SERBP1: variants seen among roughly 807,000 people sequenced by gnomAD.
SERBP1 encodes the protein SERPINE1 mRNA-binding protein 1.
Under a neutral mutation model 50.2 loss-of-function variants are expected in SERBP1, and 6 were observed. That is an observed-to-expected ratio of 0.12 (90% CI 0.07 to 0.24). SERBP1 has a LOEUF of 0.24. Among genes scored for constraint, SERBP1 ranks in the 10% least tolerant of loss-of-function variants. The probability of loss-of-function intolerance (pLI) is 1.00; values close to 1 mark genes in which losing one functional copy is unlikely to be tolerated. For missense variants in SERBP1, 346 were observed against 524.9 expected (o/e 0.66, Z 3.33); for synonymous variants, 168 against 182.8 (o/e 0.92, Z 0.65).
At chr1:67,426,757 C>A (rs1025149514) in intron 1 of SERBP1, among the ~76,000 whole-genome samples, 2 of 152,102 alleles carry the variant, frequency 1.3e-5, no homozygotes, top group African/African-American at 4.8e-5. Context: ...AACACACTCA[C>A]TAGATATGGC....
intron 6 of SERBP1, among the ~76,000 whole-genome samples, chr1:67,418,303 T>C (rs1375180440): frequency 6.6e-6 from 1 of 152,122 alleles, no homozygotes; most frequent in African/African-American, 2.4e-5. Flanking sequence ...TGCAGTTTTT[T>C]TTCTACAGGA....
chr1:67,409,417 A>ACC lies in SERBP1; in HGVS notation c.*3789_*3790insGG, dbSNP rs1214530400. 2.4e-5 allele frequency: 3 copies of ACC among 124,256 alleles called. No individual in the cohort carries two copies. The highest frequency in any genetic ancestry group is 1.2e-4 in the African/African-American group (3 of 25,572). The allele number at this position is 124,256 out of a possible 1,614,324, so 7.7% of individuals were successfully genotyped here. A position where few individuals can be genotyped will look rare whatever the true frequency, so the allele number is the denominator to read the frequency against. ...CACACACACACACACACACACACAC[A>ACC]CACCCCCACACACACCAGGTCACAG... On this transcript the variant is annotated 3_prime_UTR_variant, in exon 8 of 8. Coordinates refer to ENST00000361219, the MANE Select transcript of SERBP1 (RefSeq NM_001018069.2).
intron 5 of SERBP1, among the ~76,000 whole-genome samples, chr1:67,422,929 T>C (rs1355431216): frequency 5.4e-5 from 8 of 147,576 alleles, no homozygotes; most frequent in African/African-American, 1.8e-4. Flanking sequence ...CCACTGTTAC[T>C]TCAGCCTGGG....
chr1:67,428,735 CA>C (rs34354137), intron 1 of SERBP1, among the ~76,000 whole-genome samples: 6,214 of 85,668 alleles, frequency 0.073, 234 homozygotes, highest in African/African-American at 0.14. Context: ...CAAAAGTCCT[CA>C]AAAAAAAAAA....
At chr1:67,426,787 C>T (rs1222724226) in intron 1 of SERBP1, among the ~76,000 whole-genome samples, 7 of 151,806 alleles carry the variant, frequency 4.6e-5, no homozygotes, top group Non-Finnish European at 1.0e-4. Flanking sequence ...AAGTGAGGGC[C>T]GCACTATGTT....
intron 6 of SERBP1, among the ~76,000 whole-genome samples, chr1:67,418,401 T>A (rs1667095918): frequency 6.6e-6 from 1 of 152,236 alleles, no homozygotes; most frequent in Non-Finnish European, 1.5e-5. Context: ...TTAATCTTTT[T>A]AACCTCCATT....
intron 7 of SERBP1, 47 bp downstream of exon 7, chr1:67,415,119 T>C (rs915746009): frequency 1.3e-6 from 2 of 1,520,924 alleles, no homozygotes; most frequent in African/African-American, 2.8e-5. Flanking sequence ...CAGTGACTTA[T>C]AAGAGGTCCT....
In SERBP1 at chr1:67,425,116, C is replaced by T. The variant is rs762499600; in HGVS notation, c.572G>A (p.Arg191His). The T allele has an allele frequency of 1.2e-5, 20 of 1,611,318 alleles. No homozygotes were observed. In the Middle Eastern group the frequency reaches 8.9e-4, roughly 72 times the overall value. The stretch of plus-strand genomic sequence containing the variant: ...ACTTCCACTATGCCTATCAAATTCA[C>T]GTTTGCCACGAGAATCAAATCCATC... Reference protein sequence around the residue: ...RGDGFDSRGKREFDRHSGSDR... With the variant: ...RGDGFDSRGKHEFDRHSGSDR... Residue 191 changes from arginine (R) to histidine (H), a missense_variant, in exon 3 of 8, where the codon CGT (arginine) becomes CAT (histidine). Transcript: ENST00000361219.
In SERBP1 at chr1:67,422,044, G is replaced by A. The variant is rs543519601; in HGVS notation, c.774-1858C>T. Among the ~76,000 whole-genome samples the A allele has an allele frequency of 1.9e-4, 29 of 152,262 alleles. No homozygotes were observed. In the South Asian group the frequency reaches 6.0e-3, roughly 32 times the overall value. On this transcript the variant is annotated intron_variant, in intron 5 of 7. Coordinates refer to ENST00000361219, the MANE Select transcript of SERBP1 (RefSeq NM_001018069.2). ...TTCATTGTTTATCATGCAAAATTAT[G>A]ATTCCATTATAGTTTTGCATAAATT...
At chr1:67,423,067 A>G (rs1407310049) in intron 5 of SERBP1, among the ~76,000 whole-genome samples, 1 of 151,710 alleles carries the variant, frequency 6.6e-6, no homozygotes, top group African/African-American at 2.4e-5. Flanking sequence ...TAATCCCAGC[A>G]CTTTGGGAGG....
In SERBP1 at chr1:67,424,779, CTCTCAGAAGAGAGCATTCA is replaced by C. The variant is rs558642513; in HGVS notation, c.695+90_695+108del. The C allele has an allele frequency of 3.3e-4, 275 of 828,240 alleles. 3 individuals are homozygous for C. The East Asian group carries it at 6.8e-3, about 21-fold the overall frequency. 51.3% of individuals were successfully genotyped at this position (828,240 alleles called of 1,614,324 possible). ...AAGACATTATCTTGTAATATAGTAA[CTCTCAGAAGAGAGCATTCA>C]TTCTTATCTCAGAGACAAGTAAAAT... is the stretch of plus-strand genomic sequence containing the variant. On this transcript the variant is annotated intron_variant, in intron 4 of 7. Transcript: ENST00000361219.
At position 67,409,945 on chromosome 1, in the gene SERBP1, A is replaced by T. The variant is rs1273691157; in HGVS notation, c.*3262T>A. The T allele has an allele frequency of 6.6e-6, 1 of 152,228 alleles. No individual in the cohort carries two copies. The highest frequency in any genetic ancestry group is 1.5e-5 in the Non-Finnish European group (1 of 68,042). The allele number at this position is 152,228 out of a possible 1,614,324, so 9.4% of individuals were successfully genotyped here. A position where few individuals can be genotyped will look rare whatever the true frequency, so the allele number is the denominator to read the frequency against. On this transcript the variant is annotated 3_prime_UTR_variant, in exon 8 of 8. Transcript: ENST00000361219. ...TAGTTAACCTGAAGATCTCGCTGGT[A>T]CATGTTCAGACTTGCTAAAACTTAT...
chr1:67,414,945 A>C (rs1390126197), intron 7 of SERBP1, among the ~76,000 whole-genome samples: 1 of 152,206 alleles, frequency 6.6e-6, no homozygotes, highest in Non-Finnish European at 1.5e-5. Flanking sequence ...CATGACCGGC[A>C]CCTAGAAAGA....
chr1:67,419,350 G>C (rs1305605488), intron 6 of SERBP1, among the ~76,000 whole-genome samples: 2 of 152,222 alleles, frequency 1.3e-5, no homozygotes, highest in African/African-American at 2.4e-5. Flanking sequence ...TAGTAGTTAA[G>C]TTTTGGGAGA....
chr1:67,419,805 A>C, intron 6 of SERBP1: 1 of 557,842 alleles, frequency 1.8e-6, no homozygotes, highest in Non-Finnish European at 3.2e-6. Flanking sequence ...CATAAAACAT[A>C]ATTACAAATT....
rs779821369 is a variant in SERBP1 at position 67,424,180 on chromosome 1, T to C, written c.773+20A>G. 3 of 1,599,816 alleles carry C rather than the reference T, an allele frequency of 1.9e-6. No individual in the cohort carries two copies. The highest frequency in any genetic ancestry group is 2.6e-6 in the Non-Finnish European group (3 of 1,175,838). On this transcript the variant is annotated intron_variant, in intron 5 of 7. Coordinates refer to ENST00000361219, the MANE Select transcript of SERBP1 (RefSeq NM_001018069.2). ...TGCTTTCAATTCTGGGTCATTACTA[T>C]TACACGCAATACCACTTACTTATTT...
At position 67,426,140 on chromosome 1, in the gene SERBP1, A is replaced by T; in HGVS notation, c.459T>A (p.Val153=). ...AAAAACAAGAAACAACTTACCTATCAACTGAAAATTCGCCTCCTTCACCCT... is the reference window on the plus strand; with the variant it reads ...AAAAACAAGAAACAACTTACCTATCTACTGAAAATTCGCCTCCTTCACCCT... ...EEKGEGGEFS[V]DRPIIDRPIR... The change falls in exon 2 of 8, where the codon GTT becomes GTA. Residue 153 remains valine, a synonymous_variant. Transcript: ENST00000361219. 1.9e-6 allele frequency: 3 copies of T among 1,604,290 alleles called. No individual in the cohort carries two copies. The South Asian group carries it at 3.4e-5, about 18-fold the overall frequency.
chr1:67,411,995 A>G lies in SERBP1; in HGVS notation c.*1212T>C, dbSNP rs2100405598. The G allele has an allele frequency of 6.5e-6, 1 of 152,760 alleles. No individual in the cohort carries two copies. The highest frequency in any genetic ancestry group is 2.1e-4 in the South Asian group (1 of 4,832). The allele number at this position is 152,760 out of a possible 1,614,324, so 9.5% of individuals were successfully genotyped here. On this transcript the variant is annotated 3_prime_UTR_variant, in exon 8 of 8. Coordinates refer to ENST00000361219, the MANE Select transcript of SERBP1 (RefSeq NM_001018069.2). Reference sequence around the variant, plus strand: ...ATTACCACTTTCTGTGGAATACTCAACTTACAACCAAATAATAGCAATCTA... The same window carrying G: ...ATTACCACTTTCTGTGGAATACTCAGCTTACAACCAAATAATAGCAATCTA...
At position 67,407,957 on chromosome 1, in the gene SERBP1, A is replaced by G. The variant is rs941226357; in HGVS notation, c.*5250T>C. 3 of 152,254 alleles carry G rather than the reference A, an allele frequency of 2.0e-5. No homozygotes were observed. Among genetic ancestry groups the G allele is most frequent in the Admixed American group, 6.5e-5 (1 of 15,284 alleles). 9.4% of individuals were successfully genotyped at this position (152,254 alleles called of 1,614,324 possible). A position where few individuals can be genotyped will look rare whatever the true frequency, so the allele number is the denominator to read the frequency against. The stretch of plus-strand genomic sequence containing the variant: ...AGAATCTTCATTCTAGGTATATAAA[A>G]ACTGTTTCTTTAAATTAGAGATCTT... On this transcript the variant is annotated 3_prime_UTR_variant, in exon 8 of 8. Transcript: ENST00000361219.
Sources: gnomAD v4.1 joint callset for allele counts (sites outside exome capture counted in the v4.1 genomes callset) on GRCh38, gnomAD v4.1.1 for gene constraint, MANE v1.5 for transcripts, NCBI Gene and HGNC (gene_info 2026-07-23, HGNC 2026-07-21) for gene names.